The following ZNF420 variants were observed in gnomAD, a reference collection of about 807,000 sequenced individuals.
ZNF420 encodes the protein ATM and p53-associated KZNF protein.
Under a neutral mutation model 44.7 loss-of-function variants are expected in ZNF420, and 31 were observed. That is an observed-to-expected ratio of 0.69 (90% CI 0.52 to 0.94). The LOEUF (loss-of-function observed/expected upper bound fraction) is 0.94, where lower values mean the gene tolerates loss of function less well. ZNF420 is among the 40% of genes least tolerant of loss of function. ZNF420 has a pLI of 0.00. For missense variants in ZNF420, 681 were observed against 827.9 expected (o/e 0.82, Z 2.18); for synonymous variants, 245 against 267.4 (o/e 0.92, Z 0.82).
At chr19:37,101,191 C>G (rs1969757165) in intron 4 of ZNF420, among the ~76,000 whole-genome samples, 1 of 152,020 alleles carries the variant, frequency 6.6e-6, no homozygotes, top group African/African-American at 2.4e-5. Flanking sequence ...GTGCACTGAG[C>G]AATTTATTCA....
exon 1 of ZNF420, chr19:37,007,942 C>T (rs2074540981): frequency 6.2e-6 from 1 of 162,296 alleles, no homozygotes; most frequent in Non-Finnish European, 1.3e-5. Flanking sequence ...GGCCTCACCT[C>T]TCCAGGAGGT....
At chr19:37,073,632 T>C (rs988617985), upstream of ZNF420, among the ~76,000 whole-genome samples, 1 of 151,646 alleles carries the variant, frequency 6.6e-6, no homozygotes, top group East Asian at 1.9e-4. Flanking sequence ...TCCCAGCTAC[T>C]TGGGAGGCTG....
chr19:37,069,795 A>C (rs1368910745), intron 1 of ZNF420, among the ~76,000 whole-genome samples: 1 of 152,138 alleles, frequency 6.6e-6, no homozygotes, highest in Non-Finnish European at 1.5e-5. Context: ...GGATGCAGCT[A>C]AAGTTGGACC....
intron 4 of ZNF420, among the ~76,000 whole-genome samples, chr19:37,124,266 T>C (rs1971224022): frequency 6.6e-6 from 1 of 152,248 alleles, no homozygotes; most frequent in South Asian, 2.1e-4. Context: ...GTTTCTGTTA[T>C]TGTTGAGTAA....
chr19:37,089,224 C>G (rs1968998024), intron 3 of ZNF420, 97 bp downstream of exon 3: 6 of 1,057,934 alleles, frequency 5.7e-6, no homozygotes, highest in Non-Finnish European at 8.9e-6. Context: ...CCTAACTGAC[C>G]TCACTCAGGA....
chr19:37,031,258 T>C (rs890218887), intron 1 of ZNF420, among the ~76,000 whole-genome samples: 3 of 152,226 alleles, frequency 2.0e-5, no homozygotes, highest in African/African-American at 7.2e-5. Flanking sequence ...TCCTTTGCTC[T>C]ATTTCATTCT....
chr19:37,046,469 G>A (rs1967543431), intron 1 of ZNF420, among the ~76,000 whole-genome samples: 1 of 152,008 alleles, frequency 6.6e-6, no homozygotes, highest in Non-Finnish European at 1.5e-5. Flanking sequence ...TAGGAGAATG[G>A]GTAAATAAAT....
intron 1 of ZNF420, among the ~76,000 whole-genome samples, chr19:37,017,566 A>C (rs1322648541): frequency 6.6e-6 from 1 of 152,228 alleles, no homozygotes; most frequent in Admixed American, 6.5e-5. Context: ...GAAAAACCCC[A>C]CTTGATTATC....
intron 1 of ZNF420, among the ~76,000 whole-genome samples, chr19:37,063,759 A>G (rs1034327992): frequency 1.3e-5 from 2 of 152,180 alleles, no homozygotes; most frequent in Non-Finnish European, 2.9e-5. Flanking sequence ...ACATGCCCCT[A>G]CCTACATAAC....
chr19:37,081,437 A>G (rs1045349800), intron 2 of ZNF420, among the ~76,000 whole-genome samples: 1 of 151,344 alleles, frequency 6.6e-6, no homozygotes, highest in African/African-American at 2.4e-5. Flanking sequence ...TAAATCTTCC[A>G]TATCTTTACT....
At chr19:37,089,194 C>T (rs1319689086) in intron 3 of ZNF420, 67 bp downstream of exon 3, 1 of 1,392,850 alleles carries the variant, frequency 7.2e-7, no homozygotes, top group Non-Finnish European at 1.0e-6. Context: ...GTTTGTATTC[C>T]TTACTCCTGA....
chr19:37,050,812 C>T (rs1181765129), intron 1 of ZNF420, among the ~76,000 whole-genome samples: 2 of 152,126 alleles, frequency 1.3e-5, no homozygotes, highest in Non-Finnish European at 2.9e-5. Flanking sequence ...AGGAATGCTT[C>T]CAGTTTTTGT....
intron 4 of ZNF420, among the ~76,000 whole-genome samples, chr19:37,102,498 G>T (rs1439638332): frequency 3.3e-5 from 5 of 152,190 alleles, no homozygotes; most frequent in Non-Finnish European, 7.3e-5. Context: ...CCTTTAGGCA[G>T]ATGGTTTTGA....
intron 3 of ZNF420, 49 bp downstream of exon 3, chr19:37,089,176 A>ATG: frequency 5.2e-6 from 8 of 1,546,124 alleles, no homozygotes; most frequent in Non-Finnish European, 7.2e-6. Flanking sequence ...TTTACAGAGC[A>ATG]TGTGTGTGTT....
chr19:37,057,807 C>T (rs1387861815), intron 1 of ZNF420, among the ~76,000 whole-genome samples: 1 of 152,184 alleles, frequency 6.6e-6, no homozygotes, highest in Non-Finnish European at 1.5e-5. Context: ...CATAGGAGCT[C>T]ATTCTCCTGC....
At chr19:37,037,800 C>T (rs1050589975) in intron 1 of ZNF420, among the ~76,000 whole-genome samples, 1 of 152,232 alleles carries the variant, frequency 6.6e-6, no homozygotes, top group Non-Finnish European at 1.5e-5. Context: ...TGCCCAGCAA[C>T]ATAACATTTA....
intron 4 of ZNF420, among the ~76,000 whole-genome samples, chr19:37,099,286 T>C (rs1969628183): frequency 6.6e-6 from 1 of 152,238 alleles, no homozygotes; most frequent in Admixed American, 6.5e-5. Context: ...TGTGCTAATT[T>C]ACATTCCCAC....
intron 1 of ZNF420, among the ~76,000 whole-genome samples, chr19:37,057,387 C>T (rs1384451284): frequency 7.4e-6 from 1 of 135,414 alleles, no homozygotes; most frequent in Non-Finnish European, 1.6e-5. Flanking sequence ...AACCCCAAAG[C>T]CTCAGGGGTT....
intron 1 of ZNF420, among the ~76,000 whole-genome samples, chr19:37,070,763 T>TAA (rs1968045525): frequency 6.6e-6 from 1 of 152,202 alleles, no homozygotes; most frequent in South Asian, 2.1e-4. Context: ...CAAATGTTAG[T>TAA]AAAGAGTATA....
Sources: gnomAD v4.1 joint callset for allele counts (sites outside exome capture counted in the v4.1 genomes callset) on GRCh38, gnomAD v4.1.1 for gene constraint, MANE v1.5 for transcripts, NCBI Gene and HGNC (gene_info 2026-07-23, HGNC 2026-07-21) for gene names.